The following CHD7 variants were observed in gnomAD, a reference collection of about 807,000 sequenced individuals.
CHD7 encodes the protein chromodomain helicase DNA binding protein 7, also known as ATP-dependent chromatin remodeler CHD7.
A neutral mutation model predicts 307.3 loss-of-function variants in CHD7; 24 were observed. That is an observed-to-expected ratio of 0.08 (90% CI 0.06 to 0.11). The LOEUF (loss-of-function observed/expected upper bound fraction) is 0.11. Among genes scored for constraint, CHD7 ranks in the 10% least tolerant of loss-of-function variants. The pLI is 1.00. For missense variants in CHD7, 3,106 were observed against 3,727.1 expected, an observed-to-expected ratio of 0.83 and a Z score of 4.34; for synonymous variants, 1,363 against 1,349.9, an observed-to-expected ratio of 1.01 and a Z score of -0.21.
intron 3 of CHD7, among the ~76,000 whole-genome samples, chr8:60,790,464 G>C (rs1811719198): frequency 6.6e-6 from 1 of 152,124 alleles, no homozygotes; most frequent in South Asian, 2.1e-4. Context: ...AAAAATGCTA[G>C]GTTTCACTCT....
At chr8:60,850,962 C>A in intron 26 of CHD7, 70 bp from the exon 27 acceptor site, 4 of 1,097,282 alleles carry the variant, frequency 3.6e-6, no homozygotes, top group African/African-American at 3.3e-5. Context: ...ATTACTCTTT[C>A]CTACCCACCC....
intron 1 of CHD7, among the ~76,000 whole-genome samples, chr8:60,732,861 G>A (rs2150564491): frequency 6.6e-6 from 1 of 152,088 alleles, no homozygotes; most frequent in South Asian, 2.1e-4. Context: ...TACTTAAAAA[G>A]TTTTCATTTA....
At chr8:60,686,091 T>C (rs1397733137) in intron 1 of CHD7, among the ~76,000 whole-genome samples, 8 of 152,216 alleles carry the variant, frequency 5.3e-5, no homozygotes, top group Non-Finnish European at 1.2e-4. Context: ...CTGGTGGCCA[T>C]TGTGACTCAG....
intron 2 of CHD7, among the ~76,000 whole-genome samples, chr8:60,752,384 C>A: frequency 6.6e-6 from 1 of 152,306 alleles, no homozygotes; most frequent in East Asian, 1.9e-4. Context: ...TATTCATAGA[C>A]TGGCTGAAAC....
intron 1 of CHD7, among the ~76,000 whole-genome samples, chr8:60,728,772 T>C (rs1677161037): frequency 6.6e-6 from 1 of 152,188 alleles, no homozygotes; most frequent in Non-Finnish European, 1.5e-5. Context: ...AAGAAAAATA[T>C]GAAGAAATGA....
At chr8:60,823,392 T>C (rs1804130038) in intron 12 of CHD7, among the ~76,000 whole-genome samples, 1 of 105,246 alleles carries the variant, frequency 9.5e-6, no homozygotes, top group South Asian at 2.9e-4. Context: ...GTTTTTGCTA[T>C]ATATAGATAG....
chr8:60,862,153 G>A (rs867631169), intron 35 of CHD7, 43 bp from the exon 36 acceptor site: 1 of 1,521,532 alleles, frequency 6.6e-7, no homozygotes, highest in Admixed American at 1.9e-5. Context: ...AGAAGAATAA[G>A]TACTAAATAC....
At chr8:60,732,664 C>T (rs1808512416) in intron 1 of CHD7, among the ~76,000 whole-genome samples, 1 of 151,900 alleles carries the variant, frequency 6.6e-6, no homozygotes. Flanking sequence ...TGTTACTAGC[C>T]TTTATACACC....
intron 15 of CHD7, among the ~76,000 whole-genome samples, chr8:60,832,746 T>C (rs1804576331): frequency 6.6e-6 from 1 of 152,198 alleles, no homozygotes; most frequent in South Asian, 2.1e-4. Context: ...ATTATATGCA[T>C]TGAACATTGT....
At chr8:60,850,438 A>T (rs1805401638) in intron 25 of CHD7, 55 bp from the exon 26 acceptor site, 1 of 1,564,422 alleles carries the variant, frequency 6.4e-7, no homozygotes, top group South Asian at 1.2e-5. Context: ...TTTGCCAGTG[A>T]TGGGGCCTTT....
chr8:60,759,184 A>G (rs1291922895), intron 2 of CHD7, among the ~76,000 whole-genome samples: 1 of 152,072 alleles, frequency 6.6e-6, no homozygotes, highest in Non-Finnish European at 1.5e-5. Flanking sequence ...TTGAAAACCC[A>G]TTTTTATCTA....
chr8:60,779,851 A>G lies in CHD7; in HGVS notation c.1666-1149A>G, dbSNP rs955677769. Among the ~76,000 whole-genome samples the G allele has an allele frequency of 9.9e-5, 15 of 152,238 alleles. No homozygotes were observed. In the East Asian group the frequency reaches 2.3e-3, roughly 24 times the overall value. Reference sequence around the variant, plus strand: ...TGTACCTCCTCGGACAAGTTACTTCATCTTAGAGTGGCGGTGTCTTCAACT... The same window carrying G: ...TGTACCTCCTCGGACAAGTTACTTCGTCTTAGAGTGGCGGTGTCTTCAACT... On this transcript the variant is annotated intron_variant, in intron 2 of 37. Transcript: ENST00000423902.
At chr8:60,765,320 T>G (rs1810423231) in intron 2 of CHD7, among the ~76,000 whole-genome samples, 1 of 151,598 alleles carries the variant, frequency 6.6e-6, no homozygotes, top group Non-Finnish European at 1.5e-5. Flanking sequence ...GCACGTGTAT[T>G]TATATACATG....
intron 2 of CHD7, among the ~76,000 whole-genome samples, chr8:60,772,121 T>C (rs1810741040): frequency 6.6e-6 from 1 of 152,244 alleles, no homozygotes; most frequent in Admixed American, 6.5e-5. Context: ...TAGTCTGTCA[T>C]TAAGCAATTA....
In CHD7 at chr8:60,781,331, A is replaced by C; in HGVS notation, c.1997A>C (p.Lys666Thr). 1.3e-6 allele frequency: 2 copies of C among 1,573,692 alleles called. No individual in the cohort carries two copies. Among genetic ancestry groups the C allele is most frequent in the South Asian group, 2.4e-5 (2 of 84,746 alleles). The change falls in exon 3 of 38, where the codon AAG (lysine) becomes ACG (threonine). Residue 666 changes from lysine (K) to threonine (T), a missense_variant. Coordinates refer to ENST00000423902, the MANE Select transcript of CHD7 (RefSeq NM_017780.4). ...PKEPKEKKEP[K>T]EPKTPKAPKI... The stretch of plus-strand genomic sequence containing the variant: ...GAACCCAAGGAGAAAAAAGAGCCCA[A>C]GGAACCCAAGACCCCGAAAGCCCCT...
At chr8:60,730,838 C>T (rs1277805539) in intron 1 of CHD7, among the ~76,000 whole-genome samples, 3 of 148,970 alleles carry the variant, frequency 2.0e-5, no homozygotes, top group African/African-American at 7.4e-5. Flanking sequence ...CCAGCCTGGG[C>T]GACAGAGCGA....
intron 25 of CHD7, 56 bp from the exon 26 acceptor site, chr8:60,850,424 TGATTTTGCCAGTG>T: frequency 6.5e-7 from 1 of 1,543,546 alleles, no homozygotes; most frequent in South Asian, 1.2e-5. Context: ...GGCAGTGCTG[TGATTTTGCCAGTG>T]ATGGGGCCTT....
intron 1 of CHD7, among the ~76,000 whole-genome samples, chr8:60,725,963 A>G (rs1274082014): frequency 6.6e-6 from 1 of 152,186 alleles, no homozygotes; most frequent in African/African-American, 2.4e-5. Flanking sequence ...AGAACAAGCA[A>G]ATGTGTTCTG....
chr8:60,856,745 C>T lies in CHD7; in HGVS notation c.7465C>T (p.Leu2489Phe), dbSNP rs889746241. ...KTQMELLQAG[L>F]SRTPTRHLLN... ...TCAAATGGAACTGCTCCAAGCAGGC[C>T]TTTCGCGCACACCCACAAGGCATCT... The change falls in exon 34 of 38, where the codon CTT becomes TTT. Residue 2489 changes from leucine to phenylalanine, a missense_variant. Leu to Phe is a conservative substitution (Grantham distance 22, BLOSUM62 0). Around this residue, in one of 10 missense-constraint regions of CHD7, gnomAD observed 1,030 missense variants for 1,165.4 expected, o/e 0.88. Coordinates refer to ENST00000423902, the MANE Select transcript of CHD7 (RefSeq NM_017780.4). 6.2e-7 allele frequency: 1 copy of T among 1,614,058 alleles called. No homozygotes were observed. Among genetic ancestry groups the T allele is most frequent in the Admixed American group, 1.7e-5 (1 of 60,036 alleles).
Sources: gnomAD v4.1 joint callset for allele counts (sites outside exome capture counted in the v4.1 genomes callset) on GRCh38, gnomAD v4.1.1 for gene constraint, gnomAD v4.1.1 regional missense constraint, MANE v1.5 for transcripts, NCBI Gene and HGNC (gene_info 2026-07-23, HGNC 2026-07-21) for gene names.